Variants in DLGAP2 observed in about 807,000 individuals in gnomAD.
DLGAP2 encodes disks large-associated protein 2.
Under a neutral mutation model 100.3 loss-of-function variants are expected in DLGAP2, and 26 were observed. That is an observed-to-expected ratio of 0.26 (90% CI 0.19 to 0.36). The LOEUF (loss-of-function observed/expected upper bound fraction) is 0.36, where lower values mean the gene tolerates loss of function less well. Among genes scored for constraint, DLGAP2 ranks in the 10% least tolerant of loss-of-function variants. DLGAP2 has a pLI of 1.00. For missense variants in DLGAP2, 1,858 were observed against 1,453.2 expected, an observed-to-expected ratio of 1.28 and a Z score of -4.53; for synonymous variants, 886 against 630.1, an observed-to-expected ratio of 1.41 and a Z score of -6.08.
intron 2 of DLGAP2, among the ~76,000 whole-genome samples, chr8:983,340 C>T (rs113843274): frequency 1.4e-5 from 2 of 147,654 alleles, no homozygotes; most frequent in Non-Finnish European, 3.0e-5. Context: ...TACAGGTCGT[C>T]GAGATGTTCT....
At chr8:905,385 C>G (rs904325618) in intron 1 of DLGAP2, among the ~76,000 whole-genome samples, 44 of 152,122 alleles carry the variant, frequency 2.9e-4, no homozygotes, top group African/African-American at 1.0e-3. Context: ...GCCCCGGGAA[C>G]CCCATGACTG....
rs560025137 is a variant in DLGAP2, at chr8:1,513,943, C to T, written c.172+12512C>T. Among the ~76,000 whole-genome samples the T allele has an allele frequency of 1.4e-4, 22 of 152,356 alleles. No homozygotes were observed. The South Asian group carries it at 3.5e-3, about 24-fold the overall frequency. On this transcript the variant is annotated intron_variant, in intron 4 of 14. Coordinates refer to ENST00000637795, the MANE Select transcript of DLGAP2 (RefSeq NM_001346810.2). ...GCATTTACTGAAACCCTGCTGCCTA[C>T]GCAATGTGATTGAGATGTTGAACTG...
At chr8:765,271 G>T (rs1209770408) in intron 1 of DLGAP2, among the ~76,000 whole-genome samples, 1 of 152,118 alleles carries the variant, frequency 6.6e-6, no homozygotes, top group African/African-American at 2.4e-5. Flanking sequence ...GCTGTTCTAG[G>T]GGTAAAATGA....
rs1316744628 is a variant in DLGAP2, at chr8:1,704,466, T to A, written c.*3060T>A. 2.0e-5 allele frequency: 3 copies of A among 152,248 alleles called. No individual in the cohort carries two copies. The highest frequency in any genetic ancestry group is 4.4e-5 in the Non-Finnish European group (3 of 68,050). 9.4% of individuals were successfully genotyped at this position (152,248 alleles called of 1,614,324 possible). ...TTAGCCCGGGAAAGGAGAATGCTGC[T>A]TGTCACCTAGAGTGCTTTCCTTGTG... On this transcript the variant is annotated 3_prime_UTR_variant, in exon 15 of 15. Transcript: ENST00000637795.
intron 2 of DLGAP2, among the ~76,000 whole-genome samples, chr8:1,023,870 TG>T (rs1801700946): frequency 6.7e-6 from 1 of 150,106 alleles, no homozygotes; most frequent in Non-Finnish European, 1.5e-5. Flanking sequence ...TGTGTGTGTG[TG>T]TGTGTGTGTG....
intron 2 of DLGAP2, among the ~76,000 whole-genome samples, chr8:923,626 G>A (rs912520244): frequency 6.6e-6 from 1 of 152,184 alleles, no homozygotes; most frequent in African/African-American, 2.4e-5. Flanking sequence ...TTGGGAATCA[G>A]GATTGCATTT....
At position 1,095,624 on chromosome 8, in the gene DLGAP2, C is replaced by T. The variant is rs755781127; in HGVS notation, c.74-163227C>T. Among the ~76,000 whole-genome samples, 10 of 152,286 alleles carry T rather than the reference C, an allele frequency of 6.6e-5. No homozygotes were observed. The East Asian group carries it at 7.7e-4, about 12-fold the overall frequency. On this transcript the variant is annotated intron_variant, in intron 2 of 14. Coordinates refer to ENST00000637795, the MANE Select transcript of DLGAP2 (RefSeq NM_001346810.2). ...TAAACCATTTTCCGAGTGCTGGGCG[C>T]ACAGCCAGGACACACAGTGAGGACT...
In DLGAP2 at chr8:1,626,787, T is replaced by C; in HGVS notation, c.1490T>C (p.Leu497Pro). 6.2e-7 allele frequency: 1 copy of C among 1,603,612 alleles called. No individual in the cohort carries two copies. Among genetic ancestry groups the C allele is most frequent in the Non-Finnish European group, 8.5e-7 (1 of 1,175,494 alleles). ...AASDVPVGHS[L>P]DPAANYNSPK... ...AGCGATGTGCCTGTGGGACACAGCC[T>C]GGACCCCGCTGCGAACTACAACTCC... The change falls in exon 7 of 15, where the codon CTG (leucine) becomes CCG (proline). Residue 497 changes from leucine (L) to proline (P), a missense_variant. By Grantham distance (98) the Leu-to-Pro change is moderately conservative. Transcript: ENST00000637795.
chr8:1,530,646 T>G (rs1374843532), intron 4 of DLGAP2, among the ~76,000 whole-genome samples: 3 of 152,226 alleles, frequency 2.0e-5, no homozygotes, highest in Non-Finnish European at 4.4e-5. Context: ...GTTTAGAGAC[T>G]GCAGTAAAGA....
chr8:1,233,015 A>G (rs1798569827), intron 2 of DLGAP2, among the ~76,000 whole-genome samples: 1 of 152,200 alleles, frequency 6.6e-6, no homozygotes, highest in Non-Finnish European at 1.5e-5. Context: ...TTTCATAGGA[A>G]TAGAACCATC....
intron 1 of DLGAP2, among the ~76,000 whole-genome samples, chr8:877,874 T>A (rs1449674535): frequency 1.3e-5 from 2 of 152,252 alleles, no homozygotes; most frequent in Non-Finnish European, 1.5e-5. Context: ...GTCCTGCTTC[T>A]CCAGCAGAAA....
At chr8:1,207,031 G>C in intron 2 of DLGAP2, among the ~76,000 whole-genome samples, 1 of 152,070 alleles carries the variant, frequency 6.6e-6, no homozygotes. Flanking sequence ...AGCTCACCCA[G>C]GTTTCACCCT....
chr8:801,833 C>T (rs967495124), intron 1 of DLGAP2, among the ~76,000 whole-genome samples: 5 of 152,124 alleles, frequency 3.3e-5, no homozygotes, highest in East Asian at 3.9e-4. Context: ...TGCCCTTGCT[C>T]GCCACCCAGG....
chr8:1,370,759 C>T (rs1390377730), intron 3 of DLGAP2, among the ~76,000 whole-genome samples: 3 of 152,190 alleles, frequency 2.0e-5, no homozygotes, highest in Non-Finnish European at 2.9e-5. Flanking sequence ...GGACTCGGCA[C>T]CCAGGCTCTG....
intron 3 of DLGAP2, among the ~76,000 whole-genome samples, chr8:1,475,808 T>A (rs1463369334): frequency 6.6e-6 from 1 of 152,218 alleles, no homozygotes; most frequent in African/African-American, 2.4e-5. Context: ...GTGTGATTTA[T>A]AGGAGATCAT....
intron 4 of DLGAP2, among the ~76,000 whole-genome samples, chr8:1,502,591 C>T (rs1401248492): frequency 6.6e-6 from 1 of 152,212 alleles, no homozygotes; most frequent in Non-Finnish European, 1.5e-5. Context: ...AGTATTTCGA[C>T]TTCTCATTAG....
chr8:922,977 T>G (rs1798745374), intron 2 of DLGAP2, among the ~76,000 whole-genome samples: 2 of 152,190 alleles, frequency 1.3e-5, no homozygotes. Context: ...TTGCAAGCCC[T>G]GGGCTCTGAT....
chr8:809,341 AC>A (rs1333672932), intron 1 of DLGAP2, among the ~76,000 whole-genome samples: 1 of 152,112 alleles, frequency 6.6e-6, no homozygotes, highest in African/African-American at 2.4e-5. Flanking sequence ...ACTATTTGAA[AC>A]TTTGCCCAGT....
chr8:1,225,692 C>A (rs1192127001), intron 2 of DLGAP2, among the ~76,000 whole-genome samples: 1 of 152,112 alleles, frequency 6.6e-6, no homozygotes, highest in African/African-American at 2.4e-5. Context: ...GTACATACTA[C>A]CAAAAATAAG....
Sources: allele counts gnomAD v4.1 joint callset (sites outside exome capture counted in the v4.1 genomes callset), GRCh38; gene constraint gnomAD v4.1.1; transcripts MANE v1.5; gene names NCBI Gene and HGNC (gene_info 2026-07-23, HGNC 2026-07-21).